The following RYR3 variants were observed in gnomAD, a reference collection of about 807,000 sequenced individuals.
RYR3 encodes the protein brain ryanodine receptor-calcium release channel.
RYR3 carries 207 observed loss-of-function variants against 584.3 expected under a neutral mutation model. That is an observed-to-expected ratio of 0.35 (90% confidence interval 0.32 to 0.40). The LOEUF (loss-of-function observed/expected upper bound fraction) is 0.40, where lower values mean the gene tolerates loss of function less well. RYR3 is among the 10% of genes least tolerant of loss of function. The probability of loss-of-function intolerance (pLI) is 1.00; values close to 1 mark genes in which losing one functional copy is unlikely to be tolerated. For synonymous variants in RYR3, 2,416 were observed against 2,248.5 expected, an observed-to-expected ratio of 1.07 and a Z score of -2.11; for missense variants, 5,616 against 6,089.2, an observed-to-expected ratio of 0.92 and a Z score of 2.59.
At chr15:33,456,859 T>G (rs1305932661) in intron 1 of RYR3, among the ~76,000 whole-genome samples, 2 of 152,214 alleles carry the variant, frequency 1.3e-5, no homozygotes, top group Non-Finnish European at 2.9e-5. Context: ...ATTAATTTGC[T>G]TTATATAAAA....
intron 77 of RYR3, 93 bp from the exon 78 acceptor site, chr15:33,820,663 C>A: frequency 1.8e-6 from 2 of 1,125,026 alleles, no homozygotes; most frequent in Non-Finnish European, 2.6e-6. Flanking sequence ...CTGTGAATTA[C>A]GTCCTGTCCC....
chr15:33,323,598 T>C (rs1354104049), intron 1 of RYR3, among the ~76,000 whole-genome samples: 1 of 152,046 alleles, frequency 6.6e-6, no homozygotes, highest in Non-Finnish European at 1.5e-5. Context: ...TCTAAGTCAA[T>C]TAATTGAGAA....
rs751813594 is a variant in RYR3, at chr15:33,848,350, C to G, written c.13557C>G (p.Gly4519=). 6.2e-7 allele frequency: 1 copy of G among 1,613,738 alleles called. No homozygotes were observed. Among genetic ancestry groups the G allele is most frequent in the Non-Finnish European group, 8.5e-7 (1 of 1,179,868 alleles). ...TCGCCAGGAAGCTGGAGTTTGATGG[C>G]CTATATATCACCGAACAGCCATCTG... is the stretch of plus-strand genomic sequence containing the variant. The part of the protein sequence containing the change: ...KEIARKLEFD[G]LYITEQPSED... The change falls in exon 94 of 104, where the codon GGC becomes GGG. Residue 4519 remains glycine (G), a synonymous_variant. Transcript: ENST00000634891.
chr15:33,414,517 T>G (rs1254703693), intron 1 of RYR3, among the ~76,000 whole-genome samples: 1 of 152,130 alleles, frequency 6.6e-6, no homozygotes, highest in Non-Finnish European at 1.5e-5. Context: ...ACATTTTGGG[T>G]GTGAGTGAAG....
At chr15:33,623,643 T>C (rs1333319490) in intron 19 of RYR3, among the ~76,000 whole-genome samples, 164 bp from the exon 20 acceptor site, 1 of 152,202 alleles carries the variant, frequency 6.6e-6, no homozygotes, top group Non-Finnish European at 1.5e-5. Flanking sequence ...CTCTGCTGTT[T>C]TGTTACATAC....
intron 32 of RYR3, among the ~76,000 whole-genome samples, chr15:33,658,363 C>A (rs564412988): frequency 2.6e-5 from 4 of 152,334 alleles, no homozygotes; most frequent in African/African-American, 9.6e-5. Flanking sequence ...CGTAAGCCTT[C>A]TAACAGTATA....
chr15:33,371,685 A>T (rs1287142438), intron 1 of RYR3, among the ~76,000 whole-genome samples: 1 of 152,236 alleles, frequency 6.6e-6, no homozygotes, highest in Admixed American at 6.5e-5. Flanking sequence ...ACAGACACCT[A>T]GCGGGAGGAT....
At chr15:33,620,517 A>G (rs1338915844) in intron 19 of RYR3, among the ~76,000 whole-genome samples, 2 of 152,208 alleles carry the variant, frequency 1.3e-5, no homozygotes, top group Non-Finnish European at 2.9e-5. Flanking sequence ...TTATGGATTC[A>G]TATATCTAAC....
intron 1 of RYR3, among the ~76,000 whole-genome samples, chr15:33,421,599 G>C (rs1159346905): frequency 6.6e-6 from 1 of 152,094 alleles, no homozygotes; most frequent in Non-Finnish European, 1.5e-5. Context: ...AGGGGTTTTT[G>C]AAAGATCAGT....
At chr15:33,854,664 C>A (rs1439087867) in intron 97 of RYR3, 102 bp from the exon 98 acceptor site, 2 of 1,441,958 alleles carry the variant, frequency 1.4e-6, no homozygotes, top group African/African-American at 2.9e-5. Flanking sequence ...GCACCTAAAC[C>A]CCCTCTATCC....
At chr15:33,459,640 T>G (rs2047852754) in intron 1 of RYR3, among the ~76,000 whole-genome samples, 1 of 151,990 alleles carries the variant, frequency 6.6e-6, no homozygotes, top group South Asian at 2.1e-4. Context: ...ACCAAGACTT[T>G]GGGTATCACA....
intron 49 of RYR3, among the ~76,000 whole-genome samples, chr15:33,737,771 G>A (rs2069636747): frequency 6.6e-6 from 1 of 152,164 alleles, no homozygotes; most frequent in Admixed American, 6.5e-5. Flanking sequence ...GCTTTGAAGA[G>A]GCATTATTGA....
At chr15:33,831,485 G>A (rs2077672396) in intron 86 of RYR3, among the ~76,000 whole-genome samples, 1 of 152,198 alleles carries the variant, frequency 6.6e-6, no homozygotes, top group Non-Finnish European at 1.5e-5. Context: ...AAGGAATTAA[G>A]GGATAAATGA....
At chr15:33,624,236 T>C (rs550755578) in intron 20 of RYR3, among the ~76,000 whole-genome samples, 1 of 152,258 alleles carries the variant, frequency 6.6e-6, no homozygotes, top group Non-Finnish European at 1.5e-5. Flanking sequence ...ACCTGCTACG[T>C]GTGTTATATT....
chr15:33,338,746 A>T (rs1221409779), intron 1 of RYR3, among the ~76,000 whole-genome samples: 1 of 152,166 alleles, frequency 6.6e-6, no homozygotes, highest in Non-Finnish European at 1.5e-5. Flanking sequence ...CCTTTCACAT[A>T]CATATATTCA....
chr15:33,597,754 T>A (rs996579697), intron 16 of RYR3, among the ~76,000 whole-genome samples: 5 of 152,168 alleles, frequency 3.3e-5, no homozygotes, highest in African/African-American at 1.2e-4. Context: ...TAGTATATAG[T>A]TTAAGAGCTT....
Position 33,731,660 on chromosome 15 carries a change from G to A in RYR3, c.7390G>A (p.Asp2464Asn). 6.2e-7 allele frequency: 1 copy of A among 1,613,220 alleles called. No individual in the cohort carries two copies. The highest frequency in any genetic ancestry group is 8.5e-7 in the Non-Finnish European group (1 of 1,179,300). The change falls in exon 48 of 104, where the codon GAC becomes AAC. Residue 2464 changes from aspartate to asparagine, a missense_variant. By Grantham distance (23) the Asp-to-Asn change is conservative. Transcript: ENST00000634891. The stretch of plus-strand genomic sequence containing the variant: ...ACGTTCCCTCACCAAAGCACAAAGG[G>A]ACACTATAGAAGAATGTTTGCTTGC... The part of the protein sequence containing the change: ...KGRSLTKAQR[D>N]TIEECLLAIC...
intron 1 of RYR3, among the ~76,000 whole-genome samples, chr15:33,429,851 A>G (rs1375634782): frequency 1.3e-5 from 2 of 152,252 alleles, no homozygotes; most frequent in Non-Finnish European, 2.9e-5. Context: ...TATGACATAA[A>G]CAAGATTTCT....
rs191448592 is a variant in RYR3, at chr15:33,725,927, G to A, written c.6913-459G>A. ...GGAGCTTGCAGTGAGCTGAGATCAC[G>A]CCACTGCACTCCAGCCTGGGTGACA... On this transcript the variant is annotated intron_variant, in intron 45 of 103. Transcript: ENST00000634891. 1.5e-4 allele frequency among the ~76,000 whole-genome samples: 20 copies of A among 130,288 alleles called. 1 individual carries two copies. Among genetic ancestry groups the A allele is most frequent in the East Asian group, 1.4e-3 (6 of 4,248 alleles). The allele number at this position is 130,288 out of a possible 152,430, so 85.5% of individuals were successfully genotyped here. A position where few individuals can be genotyped will look rare whatever the true frequency, so the allele number is the denominator to read the frequency against.
Sources: gnomAD v4.1 joint callset for allele counts (sites outside exome capture counted in the v4.1 genomes callset) on GRCh38, gnomAD v4.1.1 for gene constraint, MANE v1.5 for transcripts, NCBI Gene and HGNC (gene_info 2026-07-23, HGNC 2026-07-21) for gene names.